Variants in KCNQ3 observed in about 807,000 individuals in gnomAD.
KCNQ3 encodes the protein potassium voltage-gated channel subfamily KQT member 3.
KCNQ3 carries 30 observed loss-of-function variants against 92.5 expected under a neutral mutation model. The ratio of observed to expected loss-of-function variants is 0.32; its 90% confidence interval spans 0.24 to 0.44. The LOEUF (loss-of-function observed/expected upper bound fraction) is 0.44, where lower values mean the gene tolerates loss of function less well. KCNQ3 is among the 20% of genes least tolerant of loss of function. The pLI is 1.00. For synonymous variants in KCNQ3, 450 were observed against 468.8 expected (o/e 0.96, Z 0.52); for missense variants, 913 against 1,140.3 (o/e 0.80, Z 2.87).
intron 1 of KCNQ3, among the ~76,000 whole-genome samples, chr8:132,201,165 C>T (rs1400552793): frequency 6.6e-6 from 1 of 152,182 alleles, no homozygotes; most frequent in African/African-American, 2.4e-5. Context: ...CCGCCCTGAC[C>T]TCATCACCTC....
intron 1 of KCNQ3, among the ~76,000 whole-genome samples, chr8:132,331,041 C>T (rs542635693): frequency 6.6e-6 from 1 of 152,160 alleles, no homozygotes; most frequent in African/African-American, 2.4e-5. Flanking sequence ...GCTTCCAGTC[C>T]CCTTGGGTGG....
At chr8:132,218,544 T>C (rs142071351) in intron 1 of KCNQ3, among the ~76,000 whole-genome samples, 184 of 152,324 alleles carry the variant, frequency 1.2e-3, no homozygotes, top group African/African-American at 3.8e-3. Context: ...GCTTTTTTTA[T>C]ATCACATCTC....
chr8:132,234,079 C>T (rs749198169), intron 1 of KCNQ3, among the ~76,000 whole-genome samples: 12 of 152,158 alleles, frequency 7.9e-5, no homozygotes, highest in Non-Finnish European at 1.5e-4. Context: ...GACATGTGGC[C>T]ATCCTGTAAA....
intron 1 of KCNQ3, among the ~76,000 whole-genome samples, chr8:132,213,843 G>C (rs542383693): frequency 1.3e-5 from 2 of 152,300 alleles, no homozygotes; most frequent in Admixed American, 1.3e-4. Context: ...GCTTCTCAAG[G>C]CTAAGTTATG....
rs115655521 is a variant in KCNQ3, at chr8:132,282,778, T to C, written c.387-96597A>G. 3.1e-3 allele frequency among the ~76,000 whole-genome samples: 469 copies of C among 152,274 alleles called. 1 individual carries two copies. The highest frequency in any genetic ancestry group is 0.011 in the African/African-American group (450 of 41,554). On this transcript the variant is annotated intron_variant, in intron 1 of 14. Coordinates refer to ENST00000388996, the MANE Select transcript of KCNQ3 (RefSeq NM_004519.4). ...CTTCCATGAAGCTACCAAAATAGAATTGTGCTCTGACCTCTGCTTAGCAGG... is the reference window on the plus strand; with the variant it reads ...CTTCCATGAAGCTACCAAAATAGAACTGTGCTCTGACCTCTGCTTAGCAGG...
intron 1 of KCNQ3, among the ~76,000 whole-genome samples, chr8:132,396,537 C>G (rs187038605): frequency 7.2e-5 from 11 of 152,094 alleles, no homozygotes; most frequent in African/African-American, 2.7e-4. Context: ...ATTTATCCAG[C>G]CTTGCCGCCT....
chr8:132,192,049 G>C (rs1827177520), intron 1 of KCNQ3, among the ~76,000 whole-genome samples: 1 of 152,192 alleles, frequency 6.6e-6, no homozygotes, highest in Non-Finnish European at 1.5e-5. Context: ...TTAGGGGAAA[G>C]GTCAGGGCTG....
chr8:132,370,613 C>T (rs1186203396), intron 1 of KCNQ3, among the ~76,000 whole-genome samples: 1 of 152,206 alleles, frequency 6.6e-6, no homozygotes, highest in Non-Finnish European at 1.5e-5. Context: ...CCAAATTCAG[C>T]TGCAGAGCAA....
intron 1 of KCNQ3, among the ~76,000 whole-genome samples, chr8:132,447,877 G>A (rs77952968): frequency 0.04 from 6,020 of 152,256 alleles, 173 homozygotes; most frequent in Non-Finnish European, 0.06. Context: ...TTACCACGGC[G>A]TAAGTACTAC....
At chr8:132,212,036 C>T (rs1227390096) in intron 1 of KCNQ3, among the ~76,000 whole-genome samples, 1 of 151,760 alleles carries the variant, frequency 6.6e-6, no homozygotes, top group East Asian at 1.9e-4. Flanking sequence ...TGGCCTTCAC[C>T]TCTCACTTCT....
intron 1 of KCNQ3, among the ~76,000 whole-genome samples, chr8:132,294,978 G>A (rs1816972481): frequency 6.6e-6 from 1 of 152,084 alleles, no homozygotes; most frequent in African/African-American, 2.4e-5. Flanking sequence ...TCAGGACATA[G>A]GCACAGGCAA....
intron 1 of KCNQ3, among the ~76,000 whole-genome samples, chr8:132,452,580 A>T (rs1821847015): frequency 6.6e-6 from 1 of 152,148 alleles, no homozygotes; most frequent in African/African-American, 2.4e-5. Context: ...TCAGCAGCTG[A>T]GCATCTTGCT....
chr8:132,480,083 A>G, intron 1 of KCNQ3, 64 bp downstream of exon 1: 1 of 1,509,410 alleles, frequency 6.6e-7, no homozygotes, highest in South Asian at 1.2e-5. Context: ...TCTCAGCTCC[A>G]GCCCCGACCC....
At position 132,289,970 on chromosome 8, in the gene KCNQ3, A is replaced by C. The variant is rs142341464; in HGVS notation, c.387-103789T>G. 2.0e-5 allele frequency among the ~76,000 whole-genome samples: 3 copies of C among 151,814 alleles called. No individual in the cohort carries two copies. The East Asian group carries it at 5.8e-4, about 30-fold the overall frequency. On this transcript the variant is annotated intron_variant, in intron 1 of 14. Coordinates refer to ENST00000388996, the MANE Select transcript of KCNQ3 (RefSeq NM_004519.4). The stretch of plus-strand genomic sequence containing the variant: ...ATTCTACTTGCTGTCTCTTTTGTAG[A>C]CTCTTCCCTGCATTCTCAGAAGGAG...
chr8:132,304,930 C>G (rs897608906), intron 1 of KCNQ3, among the ~76,000 whole-genome samples: 28 of 151,908 alleles, frequency 1.8e-4, no homozygotes, highest in African/African-American at 6.0e-4. Flanking sequence ...GGAAATGAGG[C>G]AATTAGGGAG....
intron 1 of KCNQ3, among the ~76,000 whole-genome samples, chr8:132,398,015 G>A (rs1224550377): frequency 1.3e-5 from 2 of 152,070 alleles, no homozygotes; most frequent in Non-Finnish European, 2.9e-5. Context: ...TGTGTCTTCG[G>A]GCGGTTACAC....
chr8:132,309,240 A>G (rs560790409), intron 1 of KCNQ3, among the ~76,000 whole-genome samples: 1 of 152,196 alleles, frequency 6.6e-6, no homozygotes, highest in South Asian at 2.1e-4. Context: ...TCCTTAATAT[A>G]TACTCCTTAA....
intron 1 of KCNQ3, among the ~76,000 whole-genome samples, chr8:132,295,724 C>T (rs1054756840): frequency 1.3e-5 from 2 of 152,134 alleles, no homozygotes; most frequent in Non-Finnish European, 2.9e-5. Context: ...CAAGATCATG[C>T]CCTTTGCAGG....
chr8:132,279,853 C>CGTGTGT (rs34093077), intron 1 of KCNQ3, among the ~76,000 whole-genome samples: 3 of 150,536 alleles, frequency 2.0e-5, no homozygotes, highest in South Asian at 2.1e-4. Context: ...TGTATATATG[C>CGTGTGT]GTGTGTGTGT....
Sources: gnomAD v4.1 joint callset for allele counts (sites outside exome capture counted in the v4.1 genomes callset) on GRCh38, gnomAD v4.1.1 for gene constraint, MANE v1.5 for transcripts, NCBI Gene and HGNC (gene_info 2026-07-23, HGNC 2026-07-21) for gene names.